The following DNAJC15 variants were observed in gnomAD, a reference collection of about 807,000 sequenced individuals.
DNAJC15 encodes the protein dnaJ homolog subfamily C member 15.
DNAJC15 carries 27 observed loss-of-function variants against 22.4 expected under a neutral mutation model. That is an observed-to-expected ratio of 1.20 (90% confidence interval 0.89 to 1.66). The LOEUF (loss-of-function observed/expected upper bound fraction) is 1.66, where lower values mean the gene tolerates loss of function less well. DNAJC15 is among the 40% of genes most tolerant of loss of function. The pLI is 0.00. For synonymous variants in DNAJC15, 79 were observed against 63.2 expected (o/e 1.25, Z -1.19); for missense variants, 208 against 187.1 (o/e 1.11, Z -0.65).
At chr13:43,089,097 A>G (rs2040702482) in intron 5 of DNAJC15, among the ~76,000 whole-genome samples, 1 of 152,236 alleles carries the variant, frequency 6.6e-6, no homozygotes, top group Non-Finnish European at 1.5e-5. Flanking sequence ...TTTGGTGAGT[A>G]AATGAATAAA....
At chr13:43,061,854 A>G (rs1019624401) in intron 1 of DNAJC15, among the ~76,000 whole-genome samples, 1 of 152,254 alleles carries the variant, frequency 6.6e-6, no homozygotes, top group African/African-American at 2.4e-5. Flanking sequence ...AACTATAAGG[A>G]TAAAAAGCAA....
Position 43,031,701 on chromosome 13 carries a change from A to C in DNAJC15, c.108+7967A>C, listed in dbSNP as rs116059454. ...ATTATAACCCTCTACTTGTAGATGA[A>C]TAAATTGAGGCTTAAAGCACTGAAA... On this transcript the variant is annotated intron_variant, in intron 1 of 5. Coordinates refer to ENST00000379221, the MANE Select transcript of DNAJC15 (RefSeq NM_013238.3). 2.8e-3 allele frequency among the ~76,000 whole-genome samples: 432 copies of C among 152,342 alleles called. 2 individuals carry two copies. Among genetic ancestry groups the C allele is most frequent in the African/African-American group, 9.9e-3 (413 of 41,570 alleles).
intron 1 of DNAJC15, among the ~76,000 whole-genome samples, chr13:43,047,137 C>T (rs535457208): frequency 6.6e-6 from 1 of 152,292 alleles, no homozygotes; most frequent in East Asian, 1.9e-4. Context: ...AGACCAAAGA[C>T]CCGCCCGTAA....
At position 43,107,757 on chromosome 13, in the gene DNAJC15, A is replaced by G. The variant is rs1022490008; in HGVS notation, c.*509A>G. 1 of 152,214 alleles carries G rather than the reference A, an allele frequency of 6.6e-6. No individual in the cohort carries two copies. Among genetic ancestry groups the G allele is most frequent in the Non-Finnish European group, 1.5e-5 (1 of 68,068 alleles). 9.4% of individuals were successfully genotyped at this position (152,214 alleles called of 1,614,324 possible). A position where few individuals can be genotyped will look rare whatever the true frequency, so the allele number is the denominator to read the frequency against. On this transcript the variant is annotated 3_prime_UTR_variant, in exon 6 of 6. Coordinates refer to ENST00000379221, the MANE Select transcript of DNAJC15 (RefSeq NM_013238.3). Reference sequence around the variant, plus strand: ...GATCTGAAATGTAATGGAATTTATTAAATGGTGTTTAGTAAAGTAGGGGTT... The same window carrying G: ...GATCTGAAATGTAATGGAATTTATTGAATGGTGTTTAGTAAAGTAGGGGTT...
chr13:43,048,325 CAAAAAA>C (rs766125510), intron 1 of DNAJC15, among the ~76,000 whole-genome samples: 1 of 130,362 alleles, frequency 7.7e-6, no homozygotes, highest in Non-Finnish European at 1.7e-5. Flanking sequence ...ACTAAAAATA[CAAAAAA>C]AAAAAAAAAA....
At chr13:43,091,716 A>G (rs1279614195) in intron 5 of DNAJC15, among the ~76,000 whole-genome samples, 4 of 152,164 alleles carry the variant, frequency 2.6e-5, no homozygotes, top group Non-Finnish European at 5.9e-5. Context: ...TTTGAAATGA[A>G]TAGTCAGATC....
chr13:43,104,963 A>G (rs1413814544), intron 5 of DNAJC15, among the ~76,000 whole-genome samples: 1 of 151,976 alleles, frequency 6.6e-6, no homozygotes, highest in African/African-American at 2.4e-5. Flanking sequence ...TGCTGGGATT[A>G]CAGGCGTGAG....
At chr13:43,059,621 G>A (rs997764182) in intron 1 of DNAJC15, among the ~76,000 whole-genome samples, 4 of 152,222 alleles carry the variant, frequency 2.6e-5, no homozygotes, top group Non-Finnish European at 5.9e-5. Context: ...AAGGACTTCA[G>A]GAAAACCCAC....
intron 1 of DNAJC15, among the ~76,000 whole-genome samples, chr13:43,056,710 T>C (rs551714256): frequency 6.6e-6 from 1 of 152,194 alleles, no homozygotes; most frequent in African/African-American, 2.4e-5. Context: ...TAGGTACATA[T>C]ATATCTGGGA....
intron 1 of DNAJC15, among the ~76,000 whole-genome samples, chr13:43,032,833 C>G (rs1260184554): frequency 6.6e-6 from 1 of 151,672 alleles, no homozygotes; most frequent in East Asian, 1.9e-4. Context: ...TCAACAACAA[C>G]AAAAAGAAGT....
At chr13:43,071,348 C>G (rs909899777) in intron 3 of DNAJC15, among the ~76,000 whole-genome samples, 1 of 152,156 alleles carries the variant, frequency 6.6e-6, no homozygotes, top group African/African-American at 2.4e-5. Flanking sequence ...TGTGTGTACC[C>G]CCTTTTCCCT....
intron 5 of DNAJC15, among the ~76,000 whole-genome samples, chr13:43,096,787 C>T (rs375321897): frequency 1.3e-5 from 2 of 152,150 alleles, no homozygotes; most frequent in South Asian, 2.1e-4. Flanking sequence ...TAGAATATAG[C>T]AAAAAATGAC....
intron 1 of DNAJC15, among the ~76,000 whole-genome samples, chr13:43,047,912 A>C (rs2153440132): frequency 6.6e-6 from 1 of 152,296 alleles, no homozygotes; most frequent in South Asian, 2.1e-4. Context: ...AGAAACCATA[A>C]CTGTGTAATG....
chr13:43,059,206 A>G (rs904057575), intron 1 of DNAJC15, among the ~76,000 whole-genome samples: 1 of 152,098 alleles, frequency 6.6e-6, no homozygotes, highest in Non-Finnish European at 1.5e-5. Context: ...CTTCTGTAAA[A>G]TAAGTCTTTA....
intron 3 of DNAJC15, among the ~76,000 whole-genome samples, chr13:43,075,671 C>G (rs1593323307): frequency 1.3e-5 from 2 of 152,086 alleles, no homozygotes; most frequent in South Asian, 4.2e-4. Flanking sequence ...TCCTCTAAGT[C>G]CCTCGTTTTT....
chr13:43,100,573 T>A (rs1210256554), intron 5 of DNAJC15, among the ~76,000 whole-genome samples: 1 of 152,140 alleles, frequency 6.6e-6, no homozygotes, highest in Non-Finnish European at 1.5e-5. Context: ...TATCGCTGTG[T>A]CCCATAAGCT....
intron 1 of DNAJC15, among the ~76,000 whole-genome samples, chr13:43,034,253 T>A (rs1213642250): frequency 6.6e-6 from 1 of 150,484 alleles, no homozygotes; most frequent in African/African-American, 2.4e-5. Flanking sequence ...ACTCCTTAAA[T>A]GTAGAGTAAT....
At chr13:43,086,533 C>CA (rs976018494) in intron 5 of DNAJC15, among the ~76,000 whole-genome samples, 2 of 151,996 alleles carry the variant, frequency 1.3e-5, no homozygotes, top group African/African-American at 4.8e-5. Context: ...CTAATTATTT[C>CA]AAAAAAATTA....
intron 3 of DNAJC15, among the ~76,000 whole-genome samples, chr13:43,071,929 T>C (rs2040611055): frequency 6.6e-6 from 1 of 152,234 alleles, no homozygotes; most frequent in Non-Finnish European, 1.5e-5. Context: ...ATTTTCTGCT[T>C]TGTTAAACAG....
Sources: allele counts gnomAD v4.1 joint callset (sites outside exome capture counted in the v4.1 genomes callset), GRCh38; gene constraint gnomAD v4.1.1; transcripts MANE v1.5; gene names NCBI Gene and HGNC (gene_info 2026-07-23, HGNC 2026-07-21).